Variants in CSNK1G2 observed in about 807,000 individuals in gnomAD.
CSNK1G2 encodes the protein casein kinase 1 gamma 2, also known as casein kinase I isoform gamma-2.
A neutral mutation model predicts 48.0 loss-of-function variants in CSNK1G2; 11 were observed. That is an observed-to-expected ratio of 0.23 (90% CI 0.14 to 0.38). The LOEUF is 0.38. Among genes scored for constraint, CSNK1G2 ranks in the 10% least tolerant of loss-of-function variants. The pLI is 1.00. For synonymous variants in CSNK1G2, 337 were observed against 254.1 expected, an observed-to-expected ratio of 1.33 and a Z score of -3.10; for missense variants, 446 against 595.5, an observed-to-expected ratio of 0.75 and a Z score of 2.61.
At position 1,957,473 on chromosome 19, in the gene CSNK1G2, G is replaced by A. The variant is rs1350293361; in HGVS notation, c.-265-12035G>A. On this transcript the variant is annotated intron_variant, in intron 1 of 11. Transcript: ENST00000255641. The surrounding 1 kb of genome is among the most constrained non-coding windows in gnomAD (Gnocchi z 5.4). ...CCGAGCGGCTTGGGTGGCCGGGCCT[G>A]TGGGAGACCTTGGGTTTGCTGTTAG... 6.6e-6 allele frequency among the ~76,000 whole-genome samples: 1 copy of A among 152,250 alleles called. No homozygotes were observed. The highest frequency in any genetic ancestry group is 2.1e-4 in the South Asian group (1 of 4,832).
At position 1,957,795 on chromosome 19, in the gene CSNK1G2, G is replaced by A. The variant is rs2015049440; in HGVS notation, c.-265-11713G>A. ...TGTGCTCGGTGGGTGCCGTGTGTGGGGGGTATGTGCTCGGCGGGCGCCGTG... is the reference window on the plus strand; with the variant it reads ...TGTGCTCGGTGGGTGCCGTGTGTGGAGGGTATGTGCTCGGCGGGCGCCGTG... On this transcript the variant is annotated intron_variant, in intron 1 of 11. Coordinates refer to ENST00000255641, the MANE Select transcript of CSNK1G2 (RefSeq NM_001319.7). This position sits in a 1 kb window ranked among gnomAD's most constrained non-coding sequence, Gnocchi z 5.4. Among the ~76,000 whole-genome samples, 1 of 149,160 alleles carries A rather than the reference G, an allele frequency of 6.7e-6. No individual in the cohort carries two copies. The highest frequency in any genetic ancestry group is 1.5e-5 in the Non-Finnish European group (1 of 66,848).
chr19:1,951,539 G>A (rs1028349055), intron 1 of CSNK1G2, among the ~76,000 whole-genome samples: 5 of 146,634 alleles, frequency 3.4e-5, no homozygotes, highest in Admixed American at 2.0e-4. Flanking sequence ...AGCACCAGCT[G>A]TGGTGTGCAT....
At chr19:1,948,762 G>A (rs184269659) in intron 1 of CSNK1G2, among the ~76,000 whole-genome samples, 220 of 152,284 alleles carry the variant, frequency 1.4e-3, no homozygotes, top group African/African-American at 5.0e-3. Context: ...AAATACCCTC[G>A]TATAGCTTTC....
In CSNK1G2 at chr19:1,969,649, C is replaced by A; in HGVS notation, c.-124C>A. On this transcript the variant is annotated 5_prime_UTR_variant, in exon 2 of 12. Coordinates refer to ENST00000255641, the MANE Select transcript of CSNK1G2 (RefSeq NM_001319.7). ...GTCTCAGTAGCTGGGAGCCACGGGCCCACGCCCGCCCACCGGCCGCAGTGA... is the reference window on the plus strand; with the variant it reads ...GTCTCAGTAGCTGGGAGCCACGGGCACACGCCCGCCCACCGGCCGCAGTGA... 1 of 871,848 alleles carries A rather than the reference C, an allele frequency of 1.1e-6. No individual in the cohort carries two copies. Among genetic ancestry groups the A allele is most frequent in the Non-Finnish European group, 1.5e-6 (1 of 647,934 alleles). 54.0% of individuals were successfully genotyped at this position (871,848 alleles called of 1,614,324 possible). A position where few individuals can be genotyped will look rare whatever the true frequency, so the allele number is the denominator to read the frequency against.
chr19:1,946,301 A>ATTATTTATTTATTTATTTATTTT (rs1568178945), intron 1 of CSNK1G2, among the ~76,000 whole-genome samples: 4 of 72,832 alleles, frequency 5.5e-5, no homozygotes, highest in South Asian at 4.5e-4. Flanking sequence ...TTATTTATTT[A>ATTATTTATTTATTTATTTATTTT]TTTTTTTTAA....
intron 2 of CSNK1G2, among the ~76,000 whole-genome samples, chr19:1,974,486 T>TG (rs531431018): frequency 1.9e-3 from 284 of 152,180 alleles, no homozygotes; most frequent in African/African-American, 6.4e-3. Flanking sequence ...ACATGACCCT[T>TG]GGGGGGTGCA....
chr19:1,946,105 C>T (rs1310954755), intron 1 of CSNK1G2, among the ~76,000 whole-genome samples: 2 of 152,104 alleles, frequency 1.3e-5, no homozygotes, highest in East Asian at 3.9e-4. Flanking sequence ...GTGGCCTATC[C>T]CGGGGAGGTC....
intron 1 of CSNK1G2, among the ~76,000 whole-genome samples, chr19:1,947,971 C>T (rs1599281799): frequency 7.5e-6 from 1 of 133,618 alleles, no homozygotes; most frequent in Non-Finnish European, 1.6e-5. Flanking sequence ...CGTCCTCGTG[C>T]CCGGGCACTG....
chr19:1,944,623 C>T (rs904908166), intron 1 of CSNK1G2, among the ~76,000 whole-genome samples: 4 of 150,560 alleles, frequency 2.7e-5, no homozygotes, highest in South Asian at 2.1e-4. Context: ...AGGGCTGTGC[C>T]GCCCTGTGAC....
intron 1 of CSNK1G2, among the ~76,000 whole-genome samples, chr19:1,966,412 C>T (rs2015366504): frequency 6.6e-6 from 1 of 152,178 alleles, no homozygotes. Flanking sequence ...GGAGATGTGA[C>T]TGCATTGTCG....
chr19:1,967,854 C>T (rs1160326083), intron 1 of CSNK1G2, among the ~76,000 whole-genome samples: 2 of 46,998 alleles, frequency 4.3e-5, no homozygotes, highest in Non-Finnish European at 9.0e-5. Flanking sequence ...GGGGCTCCTC[C>T]CTCCTCCCTT....
At chr19:1,956,893 G>A (rs978314240) in intron 1 of CSNK1G2, among the ~76,000 whole-genome samples, 4 of 152,190 alleles carry the variant, frequency 2.6e-5, no homozygotes, top group Admixed American at 6.5e-5. Context: ...CTGGCCAGGC[G>A]GCGGTTGATG....
At chr19:1,971,981 G>C (rs542087046) in intron 2 of CSNK1G2, among the ~76,000 whole-genome samples, 2 of 152,164 alleles carry the variant, frequency 1.3e-5, no homozygotes, top group Non-Finnish European at 2.9e-5. Flanking sequence ...GTGTTAGCCA[G>C]GATGGTCTTG....
At chr19:1,951,840 C>T (rs113467579) in intron 1 of CSNK1G2, among the ~76,000 whole-genome samples, 2,742 of 151,478 alleles carry the variant, frequency 0.018, 124 homozygotes, top group African/African-American at 0.064. Flanking sequence ...GCCACCACAG[C>T]TGGCTAATTT....
At chr19:1,964,941 TG>T (rs1360718719) in intron 1 of CSNK1G2, among the ~76,000 whole-genome samples, 1 of 151,154 alleles carries the variant, frequency 6.6e-6, no homozygotes, top group Non-Finnish European at 1.5e-5. Context: ...TTAGCCAGGA[TG>T]GTCTCGATCT....
chr19:1,951,197 T>G (rs1373670639), intron 1 of CSNK1G2, among the ~76,000 whole-genome samples: 1 of 144,968 alleles, frequency 6.9e-6, no homozygotes, highest in Non-Finnish European at 1.5e-5. Context: ...GTCAGGAGAT[T>G]GAGACCATCC....
At chr19:1,972,629 GTTTTGTTTTT>G (rs1330870322) in intron 2 of CSNK1G2, among the ~76,000 whole-genome samples, 1 of 152,050 alleles carries the variant, frequency 6.6e-6, no homozygotes, top group Non-Finnish European at 1.5e-5. Flanking sequence ...GCTTTGTTTT[GTTTTGTTTTT>G]GAGATGGAGT....
At chr19:1,980,106 C>T (rs1235230625) in intron 11 of CSNK1G2, 43 bp from the exon 12 acceptor site, 2 of 1,611,060 alleles carry the variant, frequency 1.2e-6, no homozygotes, top group South Asian at 1.1e-5. Context: ...GCTGCCCCCG[C>T]CCTGCACCCC....
intron 1 of CSNK1G2, among the ~76,000 whole-genome samples, chr19:1,960,233 C>G (rs946041493): frequency 6.6e-6 from 1 of 152,222 alleles, no homozygotes; most frequent in Non-Finnish European, 1.5e-5. Context: ...CGCCCTCAGT[C>G]CACAGGGAAG....
Sources: allele counts gnomAD v4.1 joint callset (sites outside exome capture counted in the v4.1 genomes callset), GRCh38; gene constraint gnomAD v4.1.1; non-coding constraint Gnocchi (gnomAD v3.1); transcripts MANE v1.5; gene names NCBI Gene and HGNC (gene_info 2026-07-23, HGNC 2026-07-21).